The following PHF23 variants were observed in gnomAD, a reference collection of about 807,000 sequenced individuals.
The protein encoded by PHF23 is PHD finger protein 23, also known as PDH-containing protein JUNE-1.
A neutral mutation model predicts 36.0 loss-of-function variants in PHF23; 3 were observed. The ratio of observed to expected loss-of-function variants is 0.08; its 90% CI spans 0.04 to 0.22. The LOEUF is 0.22. PHF23 is among the 10% of genes least tolerant of loss of function. The probability of loss-of-function intolerance (pLI) is 1.00; values close to 1 mark genes in which losing one functional copy is unlikely to be tolerated. For missense variants in PHF23, 475 were observed against 513.6 expected, an observed-to-expected ratio of 0.92 and a Z score of 0.73; for synonymous variants, 242 against 192.5, an observed-to-expected ratio of 1.26 and a Z score of -2.13.
rs1335957004 is a variant in PHF23 at position 7,236,965 on chromosome 17, C to T, written c.160-198G>A. On this transcript the variant is annotated intron_variant, in intron 3 of 4. Transcript: ENST00000320316. This position sits in a 1 kb window ranked among gnomAD's most constrained non-coding sequence, Gnocchi z 5.1. Reference sequence around the variant, plus strand: ...TCTTGACCAGTCCGTGTTACCTCTACCCTCAAGTCTGACACCTCACCGCTG... The same window carrying T: ...TCTTGACCAGTCCGTGTTACCTCTATCCTCAAGTCTGACACCTCACCGCTG... Among the ~76,000 whole-genome samples the T allele has an allele frequency of 2.0e-5, 3 of 152,186 alleles. No individual in the cohort carries two copies. Among genetic ancestry groups the T allele is most frequent in the Non-Finnish European group, 2.9e-5 (2 of 68,030 alleles).
rs1468982483 is a variant in PHF23, at chr17:7,235,791, T to C, written c.1047A>G (p.Ala349=). Reference sequence around the variant, plus strand: ...GGCTGCACTCAATCATGGGCCGCCCTGCAAAGGGCTTTCGACAGTAACATG... The same window carrying C: ...GGCTGCACTCAATCATGGGCCGCCCCGCAAAGGGCTTTCGACAGTAACATG... The part of the protein sequence containing the change: ...LITCYCRKPF[A]GRPMIECSLC... The change falls in exon 5 of 5, where the codon GCA becomes GCG. Residue 349 remains alanine (A), a synonymous_variant. Coordinates refer to ENST00000320316, the MANE Select transcript of PHF23 (RefSeq NM_024297.3). The C allele has an allele frequency of 7.4e-6, 12 of 1,614,022 alleles. No individual in the cohort carries two copies. The highest frequency in any genetic ancestry group is 1.0e-5 in the Non-Finnish European group (12 of 1,180,046).
chr17:7,237,771 C>A (rs1567582720), intron 1 of PHF23, 111 bp from the exon 2 acceptor site: 6 of 1,298,068 alleles, frequency 4.6e-6, no homozygotes, highest in Non-Finnish European at 6.6e-6. Context: ...GGTCCCTCTG[C>A]CAGGCCAGCA....
rs1040846567 is a variant in PHF23, at chr17:7,236,144, C to A, written c.783G>T (p.Glu261Asp). The change falls in exon 4 of 5, where the codon GAG (glutamate) becomes GAT (aspartate). Residue 261 changes from glutamate (E) to aspartate (D), a missense_variant. By Grantham distance (45) the Glu-to-Asp change is conservative. Around this residue, in one of 5 missense-constraint regions of PHF23, gnomAD observed 350 missense variants for 319.8 expected, o/e 1.09. Coordinates refer to ENST00000320316, the MANE Select transcript of PHF23 (RefSeq NM_024297.3). The surrounding 1 kb of genome is among the most constrained non-coding windows in gnomAD (Gnocchi z 5.1). Reference protein sequence around the residue: ...EEEEEEEEEEEMATVVGGEAP... With the variant: ...EEEEEEEEEEDMATVVGGEAP... ...CTTCACCCCCTACCACTGTTGCCAT[C>A]TCTTCTTCTTCTTCCTCTTCCTCCT... The A allele has an allele frequency of 1.9e-6, 3 of 1,610,170 alleles. No homozygotes were observed. The Admixed American group carries it at 5.0e-5, about 27-fold the overall frequency.
In PHF23 at chr17:7,236,880, C is replaced by G. The variant is rs989454483; in HGVS notation, c.160-113G>C. On this transcript the variant is annotated intron_variant, in intron 3 of 4. Coordinates refer to ENST00000320316, the MANE Select transcript of PHF23 (RefSeq NM_024297.3). This position sits in a 1 kb window ranked among gnomAD's most constrained non-coding sequence, Gnocchi z 5.1. ...TTTACCCCAAAATGTCCTACCTCAA[C>G]CACTAAATCCCACTGTACTCCAAAA... 2 of 1,457,368 alleles carry G rather than the reference C, an allele frequency of 1.4e-6. No homozygotes were observed. The highest frequency in any genetic ancestry group is 2.8e-5 in the African/African-American group (2 of 70,194). 90.3% of individuals were successfully genotyped at this position (1,457,368 alleles called of 1,614,324 possible). A position where few individuals can be genotyped will look rare whatever the true frequency, so the allele number is the denominator to read the frequency against.
chr17:7,237,531 A>C, intron 2 of PHF23, 54 bp from the exon 3 acceptor site: 4 of 1,606,328 alleles, frequency 2.5e-6, no homozygotes, highest in Non-Finnish European at 3.4e-6. Context: ...TAAGAATGGC[A>C]TTCCCAGAAA....
chr17:7,236,383 C>T lies in PHF23; in HGVS notation c.544G>A (p.Asp182Asn), dbSNP rs1202808658. 1 of 1,614,094 alleles carries T rather than the reference C, an allele frequency of 6.2e-7. No individual in the cohort carries two copies. Among genetic ancestry groups the T allele is most frequent in the Admixed American group, 1.7e-5 (1 of 60,006 alleles). Residue 182 changes from aspartate to asparagine, a missense_variant, in exon 4 of 5, where the codon GAC becomes AAC. By Grantham distance (23) the Asp-to-Asn change is conservative. This residue lies in a region of PHF23 where 350 missense variants were observed against 319.8 expected (regional missense o/e 1.09). Coordinates refer to ENST00000320316, the MANE Select transcript of PHF23 (RefSeq NM_024297.3). The surrounding 1 kb of genome is among the most constrained non-coding windows in gnomAD (Gnocchi z 5.1). ...GDLSHPPRKKDRKNRKLGPGA... is the reference protein window; with the variant it reads ...GDLSHPPRKKNRKNRKLGPGA... The stretch of plus-strand genomic sequence containing the variant: ...GGCCCCAACTTTCGGTTCTTTCGGT[C>T]CTTCTTTCGAGGAGGATGGGAGAGG...
At position 7,239,301 on chromosome 17, in the gene PHF23, T is replaced by C. The variant is rs2071745861; in HGVS notation, c.-22A>G. ...GCATCGCCCCCTCCCCTCCTCCCGG[T>C]CCGGCGCCCCCCTCCCCGGAGCCGG... On this transcript the variant is annotated 5_prime_UTR_variant, in exon 1 of 5. Coordinates refer to ENST00000320316, the MANE Select transcript of PHF23 (RefSeq NM_024297.3). 1 of 1,299,810 alleles carries C rather than the reference T, an allele frequency of 7.7e-7. No individual in the cohort carries two copies. The highest frequency in any genetic ancestry group is 1.2e-5 in the South Asian group (1 of 80,282). 80.5% of individuals were successfully genotyped at this position (1,299,810 alleles called of 1,614,324 possible). A position where few individuals can be genotyped will look rare whatever the true frequency, so the allele number is the denominator to read the frequency against.
At position 7,236,820 on chromosome 17, in the gene PHF23, C is replaced by T. The variant is rs1469103982; in HGVS notation, c.160-53G>A. The T allele has an allele frequency of 3.2e-6, 5 of 1,541,752 alleles. No homozygotes were observed. The highest frequency in any genetic ancestry group is 2.5e-5 in the South Asian group (2 of 80,040). On this transcript the variant is annotated intron_variant, in intron 3 of 4. Transcript: ENST00000320316. This position sits in a 1 kb window ranked among gnomAD's most constrained non-coding sequence, Gnocchi z 5.1. The stretch of plus-strand genomic sequence containing the variant: ...GCAGAACCCCAGTGTCATCTCAGCC[C>T]CTCCACAAACCCAGCTTGAAAAGGA...
intron 3 of PHF23, 47 bp downstream of exon 3, chr17:7,237,338 A>G (rs1157966642): frequency 2.7e-6 from 4 of 1,472,068 alleles, no homozygotes; most frequent in Admixed American, 1.7e-5. Context: ...CAGTCACTCT[A>G]TAGTCCCACC....
rs762810429 is a variant in PHF23, at chr17:7,235,858, T to C, written c.998-18A>G. On this transcript the variant is annotated intron_variant, in intron 4 of 4. Transcript: ENST00000320316. ...GTCATCACCTGGGGAAAAAAAGGTT[T>C]GTTTGGTATTCTGCCTGAGCTGTTG... is the stretch of plus-strand genomic sequence containing the variant. 6.2e-7 allele frequency: 1 copy of C among 1,613,760 alleles called. No individual in the cohort carries two copies. The highest frequency in any genetic ancestry group is 8.5e-7 in the Non-Finnish European group (1 of 1,179,942).
chr17:7,238,760 T>C, intron 1 of PHF23: 2 of 1,491,560 alleles, frequency 1.3e-6, no homozygotes, highest in Non-Finnish European at 1.8e-6. Context: ...CCAGACCCCC[T>C]CTTCTCCCCA....
chr17:7,239,344 C>T lies in PHF23; in HGVS notation c.-65G>A. 3.6e-6 allele frequency: 3 copies of T among 823,464 alleles called. No homozygotes were observed. Among genetic ancestry groups the T allele is most frequent in the South Asian group, 2.9e-5 (2 of 68,266 alleles). The allele number at this position is 823,464 out of a possible 1,614,324, so 51.0% of individuals were successfully genotyped here. A position where few individuals can be genotyped will look rare whatever the true frequency, so the allele number is the denominator to read the frequency against. On this transcript the variant is annotated 5_prime_UTR_variant, in exon 1 of 5. Coordinates refer to ENST00000320316, the MANE Select transcript of PHF23 (RefSeq NM_024297.3). Reference sequence around the variant, plus strand: ...GGAGCCGGGGATCCCGGTGCCGCCTCTAGTGCTCGATGCTCCCACTGCTTC... The same window carrying T: ...GGAGCCGGGGATCCCGGTGCCGCCTTTAGTGCTCGATGCTCCCACTGCTTC...
At position 7,239,377 on chromosome 17, in the gene PHF23, A is replaced by C. The variant is rs1260140188; in HGVS notation, c.-98T>G. 1 of 624,208 alleles carries C rather than the reference A, an allele frequency of 1.6e-6. No homozygotes were observed. Among genetic ancestry groups the C allele is most frequent in the African/African-American group, 1.9e-5 (1 of 52,474 alleles). The allele number at this position is 624,208 out of a possible 1,614,324, so 38.7% of individuals were successfully genotyped here. A position where few individuals can be genotyped will look rare whatever the true frequency, so the allele number is the denominator to read the frequency against. ...CGATGCTCCCACTGCTTCGCTCCAC[A>C]GAAGTGTCCGCCTCAGCCCGGTTGA... On this transcript the variant is annotated 5_prime_UTR_variant, in exon 1 of 5. Coordinates refer to ENST00000320316, the MANE Select transcript of PHF23 (RefSeq NM_024297.3).
At position 7,237,608 on chromosome 17, in the gene PHF23, CA is replaced by C; in HGVS notation, c.66+20del. 1 of 1,613,988 alleles carries C rather than the reference CA, an allele frequency of 6.2e-7. No individual in the cohort carries two copies. Among genetic ancestry groups the C allele is most frequent in the Non-Finnish European group, 8.5e-7 (1 of 1,179,952 alleles). ...GTTGTCAGGCAGGGCTACTAGGCTGCAAAGGTAAGGCAAACCTCACCTGAGT... is the reference window on the plus strand; with the variant it reads ...GTTGTCAGGCAGGGCTACTAGGCTGCAAGGTAAGGCAAACCTCACCTGAGT... On this transcript the variant is annotated intron_variant, in intron 2 of 4. Transcript: ENST00000320316.
At position 7,236,775 on chromosome 17, in the gene PHF23, G is replaced by T; in HGVS notation, c.160-8C>A. ...GGCTGGCCAGTCACTTTCCTTAAAA[G>T]GGGGAAGAGACCAGGGTCAGCAGAA... On this transcript the variant is annotated splice_region_variant and splice_polypyrimidine_tract_variant and intron_variant, in intron 3 of 4. Transcript: ENST00000320316. The surrounding 1 kb of genome is among the most constrained non-coding windows in gnomAD (Gnocchi z 5.1). The T allele has an allele frequency of 6.2e-7, 1 of 1,603,396 alleles. No homozygotes were observed. The highest frequency in any genetic ancestry group is 8.5e-7 in the Non-Finnish European group (1 of 1,174,862).
upstream of PHF23, chr17:7,240,779 A>C (rs1207897742): frequency 2.2e-6 from 2 of 925,060 alleles, no homozygotes; most frequent in Non-Finnish European, 3.6e-6. Flanking sequence ...AGCTTGAAGG[A>C]GGAGGAGGTC....
chr17:7,240,539 C>T (rs1567584714), upstream of PHF23: 1 of 250,952 alleles, frequency 4.0e-6, no homozygotes. Context: ...GGGTTCTGAG[C>T]CCCTTGGGCA....
chr17:7,239,176 T>C, intron 1 of PHF23, 70 bp downstream of exon 1: 1 of 1,164,554 alleles, frequency 8.6e-7, no homozygotes, highest in East Asian at 2.7e-5. Context: ...GGGCTCGACC[T>C]CCAAGTTTGC....
At position 7,235,294 on chromosome 17, in the gene PHF23, A is replaced by G. The variant is rs1398210227; in HGVS notation, c.*332T>C. 2.9e-6 allele frequency: 1 copy of G among 342,188 alleles called. No individual in the cohort carries two copies. Among genetic ancestry groups the G allele is most frequent in the East Asian group, 6.4e-5 (1 of 15,526 alleles). 21.2% of individuals were successfully genotyped at this position (342,188 alleles called of 1,614,324 possible). A position where few individuals can be genotyped will look rare whatever the true frequency, so the allele number is the denominator to read the frequency against. On this transcript the variant is annotated 3_prime_UTR_variant, in exon 5 of 5. Transcript: ENST00000320316. ...ATGAGGGAGGGGAGTGCTAATATTTACACTAGAGTTTTATAGACAACTGTC... is the reference window on the plus strand; with the variant it reads ...ATGAGGGAGGGGAGTGCTAATATTTGCACTAGAGTTTTATAGACAACTGTC...
Sources: gnomAD v4.1 joint callset for allele counts (sites outside exome capture counted in the v4.1 genomes callset) on GRCh38, gnomAD v4.1.1 for gene constraint, gnomAD v4.1.1 regional missense constraint, Gnocchi (gnomAD v3.1) non-coding constraint, MANE v1.5 for transcripts, NCBI Gene and HGNC (gene_info 2026-07-23, HGNC 2026-07-21) for gene names.